The following SOX13 variants were observed in gnomAD, a reference collection of about 807,000 sequenced individuals.
SOX13 encodes the protein transcription factor SOX-13.
In SOX13, 28 loss-of-function variants were observed where a neutral mutation model predicts 71.8. The ratio of observed to expected loss-of-function variants is 0.39; its 90% CI spans 0.29 to 0.53. The LOEUF (loss-of-function observed/expected upper bound fraction) is 0.53. Ranked by LOEUF, SOX13 falls within the 20% of genes least tolerant of loss-of-function variation. SOX13 has a pLI of 0.70. For missense variants in SOX13, 627 were observed against 810.3 expected (o/e 0.77, Z 2.75); for synonymous variants, 309 against 317.8 (o/e 0.97, Z 0.29).
At chr1:204,121,181 T>C (rs1278070558) in intron 7 of SOX13, among the ~76,000 whole-genome samples, 2 of 152,126 alleles carry the variant, frequency 1.3e-5, no homozygotes, top group African/African-American at 2.4e-5. Flanking sequence ...GGTTTCACCA[T>C]GTTGGTCATG....
At chr1:204,121,545 G>A (rs1042841542) in intron 7 of SOX13, among the ~76,000 whole-genome samples, 2 of 152,190 alleles carry the variant, frequency 1.3e-5, no homozygotes, top group Admixed American at 6.5e-5. Flanking sequence ...ACAGGCAGCC[G>A]CTTTTGTGCC....
intron 4 of SOX13, among the ~76,000 whole-genome samples, chr1:204,114,872 G>A (rs550892907): frequency 1.2e-3 from 185 of 152,264 alleles, no homozygotes; most frequent in Non-Finnish European, 2.1e-3. Flanking sequence ...GTGACTTCAG[G>A]CATGTCATTG....
intron 1 of SOX13, among the ~76,000 whole-genome samples, chr1:204,096,838 A>G (rs75488105): frequency 0.016 from 2,419 of 149,310 alleles, 64 homozygotes; most frequent in African/African-American, 0.056. Flanking sequence ...ATCCTTGCCA[A>G]TTCTCCTCCT....
chr1:204,083,866 G>A (rs1001120119), intron 1 of SOX13, among the ~76,000 whole-genome samples: 1 of 152,200 alleles, frequency 6.6e-6, no homozygotes, highest in Non-Finnish European at 1.5e-5. Context: ...CAAACTGAGG[G>A]GAGGGAGGGA....
At chr1:204,086,927 CTTT>C (rs34401152) in intron 1 of SOX13, among the ~76,000 whole-genome samples, 5 of 142,674 alleles carry the variant, frequency 3.5e-5, no homozygotes, top group Admixed American at 2.1e-4. Flanking sequence ...TTTCTCCTTC[CTTT>C]TTTTTTTTTT....
At chr1:204,122,085 A>G in intron 8 of SOX13, 100 bp downstream of exon 8, 1 of 1,051,794 alleles carries the variant, frequency 9.5e-7, no homozygotes, top group South Asian at 1.5e-5. Context: ...GAGCCCTGGC[A>G]TCCTGTGTTC....
intron 1 of SOX13, among the ~76,000 whole-genome samples, chr1:204,085,293 A>G (rs1655993111): frequency 1.3e-5 from 2 of 152,194 alleles, no homozygotes; most frequent in Non-Finnish European, 1.5e-5. Flanking sequence ...AGAGATGATA[A>G]CAATTGTACC....
At position 204,122,243 on chromosome 1, in the gene SOX13, T is replaced by C; in HGVS notation, c.868T>C (p.Ser290Pro). The change falls in exon 9 of 14, where the codon TCC becomes CCC. Residue 290 changes from serine to proline, a missense_variant. By Grantham distance (74) the Ser-to-Pro change is moderately conservative. Transcript: ENST00000367204. ...MATHHPLQEP[S>P]QPLNLTAKPK... ...CCTGCTGGGTCTCCCTCAGGAGCCC[T>C]CCCAGCCCCTGAACCTCACAGCCAA... The C allele has an allele frequency of 6.3e-7, 1 of 1,579,012 alleles. No individual in the cohort carries two copies. The highest frequency in any genetic ancestry group is 8.6e-7 in the Non-Finnish European group (1 of 1,163,236).
rs1176837790 is a variant in SOX13, at chr1:204,113,121, T to A, written c.206T>A (p.Phe69Tyr). The change falls in exon 2 of 14, where the codon TTC becomes TAC. Residue 69 changes from phenylalanine (F) to tyrosine (Y), a missense_variant. By Grantham distance (22) the Phe-to-Tyr change is conservative. Transcript: ENST00000367204. ...ADPQAPAQGN[F>Y]RGSWDCSSPE... ...CCCCAAGCTCCAGCCCAGGGGAATTTCAGGGGCTCCTGGGTCAGTGTCCCC... is the reference window on the plus strand; with the variant it reads ...CCCCAAGCTCCAGCCCAGGGGAATTACAGGGGCTCCTGGGTCAGTGTCCCC... 18 of 1,558,022 alleles carry A rather than the reference T, an allele frequency of 1.2e-5. No individual in the cohort carries two copies. The highest frequency in any genetic ancestry group is 1.6e-5 in the Non-Finnish European group (18 of 1,151,764).
chr1:204,085,400 T>TA (rs1655995858), intron 1 of SOX13, among the ~76,000 whole-genome samples: 1 of 152,186 alleles, frequency 6.6e-6, no homozygotes, highest in African/African-American at 2.4e-5. Context: ...AAGGGCCATT[T>TA]AAAAGATGCC....
At position 204,127,694 on chromosome 1, in the gene SOX13, G is replaced by A. The variant is rs1656948999; in HGVS notation, c.*1560G>A. The stretch of plus-strand genomic sequence containing the variant: ...AGCACATTTCTCCTGTTTACACTCG[G>A]GGGATTTTTTTGTTTTCTGATGACA... On this transcript the variant is annotated 3_prime_UTR_variant, in exon 14 of 14. Transcript: ENST00000367204. 6.6e-6 allele frequency: 1 copy of A among 152,582 alleles called. No individual in the cohort carries two copies. The highest frequency in any genetic ancestry group is 1.5e-5 in the Non-Finnish European group (1 of 68,030). 9.5% of individuals were successfully genotyped at this position (152,582 alleles called of 1,614,324 possible).
At chr1:204,105,413 C>CTTTTTTTTTTTTTTTTTTTTTTTTTTT (rs35841451) in intron 1 of SOX13, among the ~76,000 whole-genome samples, 1 of 137,964 alleles carries the variant, frequency 7.2e-6, no homozygotes, top group African/African-American at 3.1e-5. Context: ...TGTATAATCT[C>CTTTTTTTTTTTTTTTTTTTTTTTTTTT]TTTTTTTTTT....
chr1:204,092,512 C>T (rs970275341), intron 1 of SOX13, among the ~76,000 whole-genome samples: 2 of 152,076 alleles, frequency 1.3e-5, no homozygotes, highest in African/African-American at 2.4e-5. Flanking sequence ...AGTTTTCTCA[C>T]CTACAAAGTG....
chr1:204,116,211 G>A, intron 4 of SOX13: 2 of 1,373,576 alleles, frequency 1.5e-6, no homozygotes. Context: ...GAGCACTCGA[G>A]GACATTGAAG....
intron 1 of SOX13, among the ~76,000 whole-genome samples, chr1:204,076,163 G>A (rs1655782629): frequency 2.0e-5 from 3 of 151,972 alleles, no homozygotes; most frequent in Non-Finnish European, 4.4e-5. Context: ...ATCAATCTTG[G>A]CTCAACTGCA....
intron 1 of SOX13, among the ~76,000 whole-genome samples, chr1:204,105,367 C>T (rs547335367): frequency 2.0e-3 from 309 of 151,744 alleles, no homozygotes; most frequent in Non-Finnish European, 3.8e-3. Context: ...GCAGAGATGC[C>T]GCTTAGCGCC....
chr1:204,115,580 G>T (rs183650584), intron 4 of SOX13, among the ~76,000 whole-genome samples: 3 of 149,710 alleles, frequency 2.0e-5, no homozygotes, highest in Admixed American at 6.7e-5. Context: ...AGGTCAGGGG[G>T]ACACTAACAT....
chr1:204,103,623 T>A (rs909328947), intron 1 of SOX13, among the ~76,000 whole-genome samples: 7 of 152,258 alleles, frequency 4.6e-5, no homozygotes, highest in Non-Finnish European at 1.0e-4. Context: ...AAGGGGCCTT[T>A]GACATGGCCA....
At position 204,126,128 on chromosome 1, in the gene SOX13, A is replaced by C; in HGVS notation, c.1863A>C (p.Thr621=). Residue 621 remains threonine, a synonymous_variant, in exon 14 of 14, where the codon ACA becomes ACC. Coordinates refer to ENST00000367204, the MANE Select transcript of SOX13 (RefSeq NM_005686.3). ...GCGATGGGGAGTTGGTGGTGCTCAC[A>C]GACTGATCCCGGCTGGGTGGGCCTG... ...EKSDGELVVL[T]D 5 of 1,613,208 alleles carry C rather than the reference A, an allele frequency of 3.1e-6. No homozygotes were observed. Among genetic ancestry groups the C allele is most frequent in the Non-Finnish European group, 3.4e-6 (4 of 1,179,262 alleles).
Sources: gnomAD v4.1 joint callset for allele counts (sites outside exome capture counted in the v4.1 genomes callset) on GRCh38, gnomAD v4.1.1 for gene constraint, MANE v1.5 for transcripts, NCBI Gene and HGNC (gene_info 2026-07-23, HGNC 2026-07-21) for gene names.